GBP7: variants seen among roughly 807,000 people sequenced by gnomAD.
GBP7 encodes guanylate binding protein 7.
GBP7 carries 43 observed loss-of-function variants against 61.3 expected under a neutral mutation model. That is an observed-to-expected ratio of 0.70 (90% CI 0.55 to 0.91). The LOEUF is 0.91. GBP7 is among the 40% of genes least tolerant of loss of function. The probability of loss-of-function intolerance (pLI) is 0.00; values close to 1 mark genes in which losing one functional copy is unlikely to be tolerated. For synonymous variants in GBP7, 267 were observed against 271.0 expected (o/e 0.99, Z 0.14); for missense variants, 717 against 740.5 (o/e 0.97, Z 0.37).
intron 9 of GBP7, among the ~76,000 whole-genome samples, chr1:89,139,588 C>T (rs2100638210): frequency 6.6e-6 from 1 of 152,230 alleles, no homozygotes; most frequent in East Asian, 1.9e-4. Context: ...TGAACTCAAA[C>T]AAATTCACAA....
chr1:89,132,742 G>T (rs910571570), intron 10 of GBP7, among the ~76,000 whole-genome samples: 2 of 152,116 alleles, frequency 1.3e-5, no homozygotes. Flanking sequence ...AAATAATGGG[G>T]ACTGCTGACC....
chr1:89,167,826 C>T (rs570407824), intron 2 of GBP7, among the ~76,000 whole-genome samples: 2 of 152,188 alleles, frequency 1.3e-5, no homozygotes, highest in African/African-American at 2.4e-5. Flanking sequence ...AAACAAAACA[C>T]GAGTCCAAAC....
chr1:89,132,293 T>G lies in GBP7; in HGVS notation c.1773A>C (p.Ser591=). The part of the protein sequence containing the change: ...QIEAAENEEP[S]VFSQILDVAG... The stretch of plus-strand genomic sequence containing the variant: ...CCACATCAAGAATCTGTGAAAACAC[T>G]GAGGGCTCTTCATTTTCAGCTGCTT... Residue 591 remains serine (S), a synonymous_variant, in exon 11 of 11, where the codon TCA becomes TCC. Coordinates refer to ENST00000294671, the MANE Select transcript of GBP7 (RefSeq NM_207398.3). The G allele has an allele frequency of 1.2e-6, 2 of 1,614,058 alleles. No homozygotes were observed. Among genetic ancestry groups the G allele is most frequent in the South Asian group, 2.2e-5 (2 of 91,086 alleles).
At chr1:89,154,082 C>T (rs943835222) in intron 3 of GBP7, among the ~76,000 whole-genome samples, 27 of 152,332 alleles carry the variant, frequency 1.8e-4, no homozygotes, top group Non-Finnish European at 3.8e-4. Context: ...GAATTAAATG[C>T]TGACCAAATC....
chr1:89,134,294 C>T (rs1364475698), intron 9 of GBP7, among the ~76,000 whole-genome samples: 1 of 152,212 alleles, frequency 6.6e-6, no homozygotes, highest in African/African-American at 2.4e-5. Flanking sequence ...GGTACACATA[C>T]CTGTGCAGAC....
rs778893657 is a variant in GBP7, at chr1:89,171,875, G to C, written c.61C>G (p.Leu21Val). The C allele has an allele frequency of 6.2e-7, 1 of 1,613,602 alleles. No individual in the cohort carries two copies. Among genetic ancestry groups the C allele is most frequent in the Non-Finnish European group, 8.5e-7 (1 of 1,179,794 alleles). ...TCCAGAGCTTCTGAATTCACCACCA[G>C]ATGCCCTTTAGTGTTCTCAGTGAGG... ...VCLTENTKGH[L>V]VVNSEALEIL... is the part of the protein sequence containing the mutation. The change falls in exon 2 of 11, where the codon CTG (leucine) becomes GTG (valine). Residue 21 changes from leucine (L) to valine (V), a missense_variant. Coordinates refer to ENST00000294671, the MANE Select transcript of GBP7 (RefSeq NM_207398.3).
At chr1:89,154,441 G>C (rs1322369582) in intron 3 of GBP7, among the ~76,000 whole-genome samples, 1 of 151,992 alleles carries the variant, frequency 6.6e-6, no homozygotes, top group Non-Finnish European at 1.5e-5. Flanking sequence ...CCACCTTCTG[G>C]GTTCAAGCAA....
At chr1:89,154,593 C>A (rs1230078987) in intron 3 of GBP7, among the ~76,000 whole-genome samples, 2 of 151,588 alleles carry the variant, frequency 1.3e-5, no homozygotes, top group African/African-American at 4.8e-5. Flanking sequence ...GTGATCCACC[C>A]ACCTTGGCCT....
At chr1:89,140,405 C>T (rs867421142) in intron 9 of GBP7, among the ~76,000 whole-genome samples, 1 of 146,226 alleles carries the variant, frequency 6.8e-6, no homozygotes, top group Non-Finnish European at 1.5e-5. Flanking sequence ...CAAACCTGCA[C>T]ATTGTGCACA....
At chr1:89,133,511 C>T in intron 9 of GBP7, 60 bp from the exon 10 acceptor site, 1 of 1,418,850 alleles carries the variant, frequency 7.0e-7, no homozygotes, top group Admixed American at 1.7e-5. Flanking sequence ...GAAGAACCAT[C>T]ATGGCTAAGT....
At chr1:89,145,807 A>C (rs958178393) in intron 8 of GBP7, among the ~76,000 whole-genome samples, 1 of 152,206 alleles carries the variant, frequency 6.6e-6, no homozygotes, top group Non-Finnish European at 1.5e-5. Context: ...ATGCTGATGA[A>C]ATTAACTGAA....
intron 8 of GBP7, among the ~76,000 whole-genome samples, chr1:89,146,270 A>G (rs1682062219): frequency 6.6e-6 from 1 of 152,208 alleles, no homozygotes; most frequent in Non-Finnish European, 1.5e-5. Flanking sequence ...CTACACACAA[A>G]TGTCAACTAA....
chr1:89,143,912 G>T (rs1196445553), intron 8 of GBP7, among the ~76,000 whole-genome samples: 1 of 152,172 alleles, frequency 6.6e-6, no homozygotes. Flanking sequence ...GGGTTCGCAT[G>T]CAGGTTTGTT....
At chr1:89,145,363 C>T (rs974072133) in intron 8 of GBP7, among the ~76,000 whole-genome samples, 3 of 152,102 alleles carry the variant, frequency 2.0e-5, no homozygotes, top group Admixed American at 6.5e-5. Flanking sequence ...TTCATGTTGT[C>T]GCCAGTGGTA....
In GBP7 at chr1:89,152,469, G is replaced by A; in HGVS notation, c.429-5C>T. 1 of 1,613,344 alleles carries A rather than the reference G, an allele frequency of 6.2e-7. No individual in the cohort carries two copies. Among genetic ancestry groups the A allele is most frequent in the Non-Finnish European group, 8.5e-7 (1 of 1,179,420 alleles). On this transcript the variant is annotated splice_region_variant and splice_polypyrimidine_tract_variant and intron_variant, in intron 4 of 10. Coordinates refer to ENST00000294671, the MANE Select transcript of GBP7 (RefSeq NM_207398.3). ...TCTGTTAGCTCAGTCACGTAGCTGGGATCTCAGCTAAGGAAGGATAGCACC... is the reference window on the plus strand; with the variant it reads ...TCTGTTAGCTCAGTCACGTAGCTGGAATCTCAGCTAAGGAAGGATAGCACC...
chr1:89,133,429 T>C lies in GBP7; in HGVS notation c.1491A>G (p.Ala497=). The change falls in exon 10 of 11, where the codon GCA becomes GCG. Residue 497 remains alanine (A), a synonymous_variant. Coordinates refer to ENST00000294671, the MANE Select transcript of GBP7 (RefSeq NM_207398.3). ...TTAGCAGCTCCTGTTCCTTTTCAGC[T>C]GCCTCCTTCTTAGCCTGCTTAGCTG... ...AIAAKQAKKE[A]AEKEQELLRQ... 1 of 1,614,120 alleles carries C rather than the reference T, an allele frequency of 6.2e-7. No homozygotes were observed. Among genetic ancestry groups the C allele is most frequent in the Non-Finnish European group, 8.5e-7 (1 of 1,180,006 alleles).
intron 3 of GBP7, among the ~76,000 whole-genome samples, chr1:89,154,892 G>C (rs914865892): frequency 6.6e-6 from 1 of 152,166 alleles, no homozygotes; most frequent in African/African-American, 2.4e-5. Flanking sequence ...AGAATGGACA[G>C]ACTGCCTCCT....
rs1352360836 is a variant in GBP7, at chr1:89,164,848, C to T, written c.201G>A (p.Leu67=). 3.1e-6 allele frequency: 5 copies of T among 1,613,630 alleles called. No individual in the cohort carries two copies. In the African/African-American group the frequency reaches 4.0e-5, roughly 13 times the overall value. Reference sequence around the variant, plus strand: ...TGGTTTCAGACTTCACTGTGCAGCCCAGAGGGAAGCCTTCAAGGGAAGAGG... The same window carrying T: ...TGGTTTCAGACTTCACTGTGCAGCCTAGAGGGAAGCCTTCAAGGGAAGAGG... ...KLAGKNKGFP[L]GCTVKSETKG... is the part of the protein sequence containing the mutation. Residue 67 remains leucine (L), a synonymous_variant, in exon 3 of 11, where the codon CTG becomes CTA. Transcript: ENST00000294671.
At chr1:89,141,673 AC>A in intron 8 of GBP7, 25 bp from the exon 9 acceptor site, 1 of 1,576,216 alleles carries the variant, frequency 6.3e-7, no homozygotes, top group South Asian at 1.1e-5. Flanking sequence ...AGGAGCAAAG[AC>A]CTGTCAGGCA....
Sources: gnomAD v4.1 joint callset for allele counts (sites outside exome capture counted in the v4.1 genomes callset) on GRCh38, gnomAD v4.1.1 for gene constraint, MANE v1.5 for transcripts, NCBI Gene and HGNC (gene_info 2026-07-23, HGNC 2026-07-21) for gene names.